PDE4D: variants seen among roughly 807,000 people sequenced by gnomAD.
PDE4D encodes 3',5'-cyclic-AMP phosphodiesterase 4D.
In PDE4D, 24 loss-of-function variants were observed where a neutral mutation model predicts 87.4. The observed-to-expected ratio is 0.27, with a 90% CI of 0.20 to 0.39. The LOEUF (loss-of-function observed/expected upper bound fraction) is 0.39, where lower values mean the gene tolerates loss of function less well. Among genes scored for constraint, PDE4D ranks in the 10% least tolerant of loss-of-function variants. The probability of loss-of-function intolerance (pLI) is 1.00; values close to 1 mark genes in which losing one functional copy is unlikely to be tolerated. For missense variants in PDE4D, 714 were observed against 1,041.0 expected, an observed-to-expected ratio of 0.69 and a Z score of 4.32; for synonymous variants, 384 against 383.2, an observed-to-expected ratio of 1.00 and a Z score of -0.02.
intron 10 of PDE4D, 21 bp downstream of exon 10, chr5:58,989,734 A>C: frequency 6.4e-7 from 1 of 1,554,518 alleles, no homozygotes; most frequent in Non-Finnish European, 8.7e-7. Flanking sequence ...AGTGTTCTTG[A>C]AATTTCAGAA....
At chr5:59,444,328 C>T (rs1452340701) in intron 1 of PDE4D, among the ~76,000 whole-genome samples, 2 of 152,112 alleles carry the variant, frequency 1.3e-5, no homozygotes, top group Non-Finnish European at 1.5e-5. Context: ...AAGGAAAATG[C>T]TATGACCTGA....
At chr5:60,506,095 A>C (rs1750309316) in intron 1 of PDE4D, among the ~76,000 whole-genome samples, 2 of 152,214 alleles carry the variant, frequency 1.3e-5, no homozygotes, top group Admixed American at 1.3e-4. Context: ...CAAGCTCTGA[A>C]AGGTGGCTAT....
chr5:59,469,406 T>A (rs1802092355), intron 1 of PDE4D, among the ~76,000 whole-genome samples: 1 of 152,098 alleles, frequency 6.6e-6, no homozygotes, highest in Admixed American at 6.6e-5. Flanking sequence ...AGAAAAGTAA[T>A]TTTTGTAAAT....
chr5:59,574,112 AT>A (rs1822593398), intron 1 of PDE4D, among the ~76,000 whole-genome samples: 3 of 3,374 alleles, frequency 8.9e-4, no homozygotes, highest in African/African-American at 1.9e-3. Flanking sequence ...ATTTATATAT[AT>A]ATATAAATAT....
intron 1 of PDE4D, among the ~76,000 whole-genome samples, chr5:60,440,604 G>A (rs1745128244): frequency 6.6e-6 from 1 of 152,088 alleles, no homozygotes; most frequent in South Asian, 2.1e-4. Context: ...GGTATTACAG[G>A]CAGAGGAAGC....
Position 58,988,593 on chromosome 5 carries a change from C to A in PDE4D, c.1453-1G>T. On this transcript the variant is annotated splice_acceptor_variant, in intron 10 of 14. Transcript: ENST00000340635. LOFTEE classifies it high-confidence loss of function. ...GAATCTCCAAATCTGTAAACACAGC[C>A]TGGAAAATCAGACAATATAGATAAT... is the stretch of plus-strand genomic sequence containing the variant. 1 of 1,451,332 alleles carries A rather than the reference C, an allele frequency of 6.9e-7. No individual in the cohort carries two copies. Among genetic ancestry groups the A allele is most frequent in the African/African-American group, 1.4e-5 (1 of 70,862 alleles). The allele number at this position is 1,451,332 out of a possible 1,614,324, so 89.9% of individuals were successfully genotyped here. A position where few individuals can be genotyped will look rare whatever the true frequency, so the allele number is the denominator to read the frequency against.
At chr5:60,237,689 G>C (rs771632748) in intron 1 of PDE4D, among the ~76,000 whole-genome samples, 3 of 151,944 alleles carry the variant, frequency 2.0e-5, no homozygotes, top group Non-Finnish European at 2.9e-5. Flanking sequence ...GGGCTGTTCT[G>C]AATCTTGATT....
intron 1 of PDE4D, among the ~76,000 whole-genome samples, chr5:60,456,559 C>G (rs1158665507): frequency 6.6e-6 from 1 of 152,160 alleles, no homozygotes; most frequent in Non-Finnish European, 1.5e-5. Context: ...AATCCCTGCC[C>G]AATTAGCACA....
Position 59,165,668 on chromosome 5 carries a change from C to T in PDE4D, c.808+14927G>A, listed in dbSNP as rs73102839. Among the ~76,000 whole-genome samples the T allele has an allele frequency of 6.7e-3, 1,016 of 152,284 alleles. 15 individuals carry two copies. Among genetic ancestry groups the T allele is most frequent in the African/African-American group, 0.023 (948 of 41,554 alleles). On this transcript the variant is annotated intron_variant, in intron 5 of 14. Transcript: ENST00000340635. The stretch of plus-strand genomic sequence containing the variant: ...CTTCAAAAGTGAGGAATTTCAGGCT[C>T]TGGAAGGTTAAATGAATTGTTTGAG...
intron 1 of PDE4D, among the ~76,000 whole-genome samples, chr5:60,354,878 A>G (rs1759490135): frequency 6.6e-6 from 1 of 152,202 alleles, no homozygotes; most frequent in African/African-American, 2.4e-5. Flanking sequence ...CAATTTGACT[A>G]CTAATTAGGC....
intron 1 of PDE4D, among the ~76,000 whole-genome samples, chr5:59,510,023 A>C (rs996967535): frequency 6.7e-6 from 1 of 149,870 alleles, no homozygotes; most frequent in Non-Finnish European, 1.5e-5. Flanking sequence ...AACAATGTCA[A>C]AGAATAGGTA....
chr5:59,056,699 G>C (rs1762430250), intron 5 of PDE4D, among the ~76,000 whole-genome samples: 1 of 152,014 alleles, frequency 6.6e-6, no homozygotes, highest in Non-Finnish European at 1.5e-5. Flanking sequence ...AACATGCAGT[G>C]TTTCGTTTTC....
chr5:59,237,282 T>C (rs1200006120), intron 1 of PDE4D, among the ~76,000 whole-genome samples: 1 of 152,198 alleles, frequency 6.6e-6, no homozygotes, highest in African/African-American at 2.4e-5. Flanking sequence ...CAACTACCCC[T>C]TCCCAGCTAT....
At chr5:60,013,498 G>T (rs2152846439) in intron 2 of PDE4D, among the ~76,000 whole-genome samples, 1 of 152,164 alleles carries the variant, frequency 6.6e-6, no homozygotes, top group Non-Finnish European at 1.5e-5. Context: ...GTGTACAGTT[G>T]TCACAAAGAT....
rs569736039 is a variant in PDE4D, at chr5:59,668,804, A to AAAGAAG, written c.455+224358_455+224363dup. On this transcript the variant is annotated intron_variant, in intron 1 of 14. Coordinates refer to ENST00000340635, the MANE Select transcript of PDE4D (RefSeq NM_001104631.2). Reference sequence around the variant, plus strand: ...AAGAAGAAGAAGAAAGAAGAAGAAGAAAGAAGAAGAAGAAGAAGAAGAAGA... The same window carrying AAAGAAG: ...AAGAAGAAGAAGAAAGAAGAAGAAGAAAGAAGAAGAAGAAGAAGAAGAAGAAGAAGA... Among the ~76,000 whole-genome samples the AAAGAAG allele has an allele frequency of 3.9e-3, 425 of 108,166 alleles. 33 individuals are homozygous for AAAGAAG. Among genetic ancestry groups the AAAGAAG allele is most frequent in the African/African-American group, 0.016 (387 of 24,668 alleles). The allele number at this position is 108,166 out of a possible 152,430, so 71.0% of individuals were successfully genotyped here. A position where few individuals can be genotyped will look rare whatever the true frequency, so the allele number is the denominator to read the frequency against.
At chr5:59,318,568 A>G (rs2153570065) in intron 1 of PDE4D, among the ~76,000 whole-genome samples, 2 of 149,970 alleles carry the variant, frequency 1.3e-5, no homozygotes, top group South Asian at 4.1e-4. Context: ...TTTTAAAAAA[A>G]GGGTTCTGAA....
chr5:59,858,291 G>C (rs1745754402), intron 1 of PDE4D, among the ~76,000 whole-genome samples: 1 of 151,888 alleles, frequency 6.6e-6, no homozygotes, highest in Non-Finnish European at 1.5e-5. Context: ...ATTATTTGGA[G>C]CAAAGGGACT....
intron 1 of PDE4D, among the ~76,000 whole-genome samples, chr5:60,461,973 C>T (rs1654578438): frequency 6.6e-6 from 1 of 152,140 alleles, no homozygotes; most frequent in African/African-American, 2.4e-5. Context: ...TACTGAGATG[C>T]TCAAGGATGT....
At chr5:59,244,776 T>C (rs1333853153) in intron 1 of PDE4D, among the ~76,000 whole-genome samples, 1 of 145,558 alleles carries the variant, frequency 6.9e-6, no homozygotes. Flanking sequence ...TATATGACCA[T>C]AAAAATGTAT....
Sources: allele counts gnomAD v4.1 joint callset (sites outside exome capture counted in the v4.1 genomes callset), GRCh38; gene constraint gnomAD v4.1.1; transcripts MANE v1.5; gene names NCBI Gene and HGNC (gene_info 2026-07-23, HGNC 2026-07-21).